Variants in DOCK3 observed in about 807,000 individuals in gnomAD.
The protein encoded by DOCK3 is dedicator of cytokinesis protein 3.
In DOCK3, 60 loss-of-function variants were observed where a neutral mutation model predicts 265.6. That is an observed-to-expected ratio of 0.23 (90% CI 0.18 to 0.28). The LOEUF is 0.28. DOCK3 is among the 10% of genes least tolerant of loss of function. The pLI is 1.00. For missense variants in DOCK3, 1,981 were observed against 2,594.3 expected (o/e 0.76, Z 5.14); for synonymous variants, 881 against 938.0 (o/e 0.94, Z 1.11).
chr3:51,288,983 G>A (rs2109112699), intron 27 of DOCK3, among the ~76,000 whole-genome samples: 1 of 151,780 alleles, frequency 6.6e-6, no homozygotes, highest in South Asian at 2.1e-4. Context: ...CAGAGGAAAG[G>A]GAGTAGCCTG....
At chr3:50,900,315 T>C (rs1212279109) in intron 4 of DOCK3, among the ~76,000 whole-genome samples, 1 of 152,236 alleles carries the variant, frequency 6.6e-6, no homozygotes, top group Non-Finnish European at 1.5e-5. Context: ...TGCTGTGTTT[T>C]TTAGTTCCAT....
chr3:51,017,421 G>T (rs2079394693), intron 5 of DOCK3, among the ~76,000 whole-genome samples: 1 of 151,270 alleles, frequency 6.6e-6, no homozygotes, highest in Admixed American at 6.6e-5. Flanking sequence ...GTTTGTGCTT[G>T]CTTTTCCAGT....
At chr3:51,233,332 A>G (rs1408996186) in intron 19 of DOCK3, among the ~76,000 whole-genome samples, 1 of 41,620 alleles carries the variant, frequency 2.4e-5, no homozygotes, top group Non-Finnish European at 6.8e-5. Flanking sequence ...CTATCTATCT[A>G]TCTATCTATC....
chr3:51,240,795 A>G (rs1220511621), intron 21 of DOCK3, among the ~76,000 whole-genome samples: 1 of 152,124 alleles, frequency 6.6e-6, no homozygotes, highest in East Asian at 1.9e-4. Flanking sequence ...ATTTTTCTCC[A>G]TCCCTTTATT....
At chr3:51,023,886 C>T (rs1362197843) in intron 5 of DOCK3, among the ~76,000 whole-genome samples, 1 of 152,024 alleles carries the variant, frequency 6.6e-6, no homozygotes, top group Non-Finnish European at 1.5e-5. Flanking sequence ...ATTTTATCTT[C>T]ATTTGGATTC....
chr3:51,249,186 T>G, intron 22 of DOCK3, among the ~76,000 whole-genome samples: 1 of 122,666 alleles, frequency 8.2e-6, no homozygotes, highest in South Asian at 2.9e-4. Context: ...AGCTGCCCCA[T>G]CCGGCAGGGA....
intron 8 of DOCK3, among the ~76,000 whole-genome samples, chr3:51,089,607 A>G (rs2082560858): frequency 6.6e-6 from 1 of 152,108 alleles, no homozygotes; most frequent in Non-Finnish European, 1.5e-5. Context: ...CTTTAAAATG[A>G]GTTTGAAAAT....
At chr3:50,718,802 T>TA (rs2037290147) in intron 1 of DOCK3, among the ~76,000 whole-genome samples, 1 of 97,378 alleles carries the variant, frequency 1.0e-5, no homozygotes, top group Non-Finnish European at 1.9e-5. Context: ...TTTTTTTTTT[T>TA]AAGACAGAAT....
At chr3:50,818,006 G>T (rs925443270) in intron 2 of DOCK3, among the ~76,000 whole-genome samples, 1 of 152,170 alleles carries the variant, frequency 6.6e-6, no homozygotes, top group Admixed American at 6.5e-5. Flanking sequence ...AGCCTCTGCC[G>T]TTGTCCTGGC....
intron 1 of DOCK3, among the ~76,000 whole-genome samples, chr3:50,745,236 G>A (rs535994010): frequency 2.0e-5 from 3 of 152,070 alleles, no homozygotes; most frequent in Admixed American, 6.5e-5. Flanking sequence ...AGTAAAAGTG[G>A]GGTTTCACTG....
At chr3:51,220,952 T>A (rs536485656) in intron 14 of DOCK3, among the ~76,000 whole-genome samples, 1 of 151,856 alleles carries the variant, frequency 6.6e-6, no homozygotes, top group Non-Finnish European at 1.5e-5. Flanking sequence ...AGAGATTCTC[T>A]TGCTAACAAA....
At chr3:50,814,880 A>C (rs916392065) in intron 2 of DOCK3, among the ~76,000 whole-genome samples, 1 of 151,564 alleles carries the variant, frequency 6.6e-6, no homozygotes, top group African/African-American at 2.4e-5. Context: ...GCTGGAGTGC[A>C]GTGGCACAAT....
In DOCK3 at chr3:51,107,674, A is replaced by T. The variant is rs528712614; in HGVS notation, c.746+17290A>T. 1.8e-4 allele frequency among the ~76,000 whole-genome samples: 27 copies of T among 152,364 alleles called. 1 individual carries two copies. The South Asian group carries it at 5.4e-3, about 30-fold the overall frequency. On this transcript the variant is annotated intron_variant, in intron 9 of 52. Coordinates refer to ENST00000266037, the MANE Select transcript of DOCK3 (RefSeq NM_004947.5). ...TGAAAAGGAACAAACAAAACTTCCG[A>T]TAAATATAGGATTATCAAGAGATTG...
At chr3:51,037,019 GTC>G (rs2080297082) in intron 5 of DOCK3, among the ~76,000 whole-genome samples, 1 of 152,004 alleles carries the variant, frequency 6.6e-6, no homozygotes, top group African/African-American at 2.4e-5. Flanking sequence ...TTTCTTCCCA[GTC>G]TCAGGTATGT....
intron 1 of DOCK3, among the ~76,000 whole-genome samples, chr3:50,712,173 A>G (rs1475843847): frequency 6.6e-6 from 1 of 151,778 alleles, no homozygotes; most frequent in Non-Finnish European, 1.5e-5. Flanking sequence ...TACCTTAATC[A>G]TTGTCATTTT....
chr3:50,842,684 T>C (rs1482104491), intron 3 of DOCK3, among the ~76,000 whole-genome samples: 1 of 152,072 alleles, frequency 6.6e-6, no homozygotes, highest in East Asian at 1.9e-4. Context: ...ACTTCAGACA[T>C]TGCTGAATTT....
chr3:51,169,343 C>T (rs1473692528), intron 12 of DOCK3, among the ~76,000 whole-genome samples: 1 of 152,122 alleles, frequency 6.6e-6, no homozygotes, highest in African/African-American at 2.4e-5. Context: ...TCCTAAATGC[C>T]CATCAATGGT....
At chr3:51,306,890 C>T (rs2082716728) in intron 27 of DOCK3, among the ~76,000 whole-genome samples, 1 of 152,146 alleles carries the variant, frequency 6.6e-6, no homozygotes, top group Non-Finnish European at 1.5e-5. Flanking sequence ...AATGTTTGAG[C>T]TACCTCAGGA....
At chr3:50,772,818 T>G (rs1322272535) in intron 1 of DOCK3, among the ~76,000 whole-genome samples, 1 of 152,142 alleles carries the variant, frequency 6.6e-6, no homozygotes, top group Non-Finnish European at 1.5e-5. Context: ...GATCTCATGC[T>G]CATGGATTTG....
Sources: allele counts gnomAD v4.1 joint callset (sites outside exome capture counted in the v4.1 genomes callset), GRCh38; gene constraint gnomAD v4.1.1; transcripts MANE v1.5; gene names NCBI Gene and HGNC (gene_info 2026-07-23, HGNC 2026-07-21).